GINS3: variants seen among roughly 807,000 people sequenced by gnomAD.
GINS3 encodes GINS complex subunit 3.
In GINS3, 18 loss-of-function variants were observed where a neutral mutation model predicts 20.0. The observed-to-expected ratio is 0.90, with a 90% CI of 0.62 to 1.33. The LOEUF (loss-of-function observed/expected upper bound fraction) is 1.33, where lower values mean the gene tolerates loss of function less well. GINS3 is among the 40% of genes most tolerant of loss of function. The pLI is 0.00. For synonymous variants in GINS3, 109 were observed against 107.0 expected (o/e 1.02, Z -0.12); for missense variants, 254 against 273.6 (o/e 0.93, Z 0.51).
At position 58,403,096 on chromosome 16, in the gene GINS3, A is replaced by G. The variant is rs1468394337; in HGVS notation, c.187-2A>G. The G allele has an allele frequency of 3.7e-6, 6 of 1,612,408 alleles. No individual in the cohort carries two copies. Among genetic ancestry groups the G allele is most frequent in the Non-Finnish European group, 5.1e-6 (6 of 1,178,524 alleles). ...TAAAATCTACATTCATGCATGCTGC[A>G]GGGTTCCAAGCTTGAACTACCCTTG... On this transcript the variant is annotated splice_acceptor_variant, in intron 1 of 2. Transcript: ENST00000318129. LOFTEE classifies it high-confidence loss of function.
At chr16:58,397,744 C>A (rs577163029) in intron 1 of GINS3, among the ~76,000 whole-genome samples, 2 of 152,060 alleles carry the variant, frequency 1.3e-5, no homozygotes, top group African/African-American at 2.4e-5. Flanking sequence ...TGCAGTGAGC[C>A]GAGATGGCAG....
At chr16:58,393,628 G>A (rs570574309) in intron 1 of GINS3, 2 of 152,214 alleles carry the variant, frequency 1.3e-5, no homozygotes, top group Non-Finnish European at 2.9e-5. Context: ...GGATCACGAG[G>A]TCAAGAGATC....
Position 58,395,201 on chromosome 16 carries a change from A to G in GINS3, c.186+2414A>G, listed in dbSNP as rs567305405. The G allele has an allele frequency of 7.4e-6, 3 of 405,792 alleles. No individual in the cohort carries two copies. The South Asian group carries it at 2.7e-4, about 36-fold the overall frequency. The allele number at this position is 405,792 out of a possible 1,614,324, so 25.1% of individuals were successfully genotyped here. A position where few individuals can be genotyped will look rare whatever the true frequency, so the allele number is the denominator to read the frequency against. ...AGAGATCCTCCCACCTCAGCCACCT[A>G]TGTGGCTGGTATTGCAGGTACATGC... On this transcript the variant is annotated intron_variant, in intron 1 of 2. Transcript: ENST00000318129.
intron 1 of GINS3, among the ~76,000 whole-genome samples, chr16:58,394,301 C>T (rs1965820416): frequency 2.0e-5 from 3 of 152,054 alleles, no homozygotes. Flanking sequence ...TAAAATGTTC[C>T]TCAGTTGGAA....
intron 1 of GINS3, among the ~76,000 whole-genome samples, chr16:58,396,717 A>C (rs1461358012): frequency 1.0e-5 from 1 of 95,864 alleles, no homozygotes; most frequent in Non-Finnish European, 2.1e-5. Context: ...CGGGGGGCTG[A>C]CCTCCCCACC....
At chr16:58,400,680 C>G (rs1965942226) in intron 1 of GINS3, among the ~76,000 whole-genome samples, 1 of 151,976 alleles carries the variant, frequency 6.6e-6, no homozygotes. Context: ...CTTTATTTCA[C>G]TTTTACTTTT....
At position 58,399,159 on chromosome 16, in the gene GINS3, G is replaced by A. The variant is rs1283784603; in HGVS notation, c.187-3939G>A. Among the ~76,000 whole-genome samples the A allele has an allele frequency of 2.0e-5, 3 of 151,730 alleles. No homozygotes were observed. In the East Asian group the frequency reaches 5.8e-4, roughly 29 times the overall value. ...CAAGACCCTGTCTCTAGGAAAAATT[G>A]AAAAATTAGCTGAGTGTGGTGGCAC... On this transcript the variant is annotated intron_variant, in intron 1 of 2. Transcript: ENST00000318129.
intron 1 of GINS3, among the ~76,000 whole-genome samples, chr16:58,393,913 C>T (rs1482795886): frequency 6.6e-6 from 1 of 151,988 alleles, no homozygotes; most frequent in East Asian, 1.9e-4. Flanking sequence ...TTCCCACTTC[C>T]CCCTCCAAGT....
At chr16:58,401,340 A>G (rs1965951418) in intron 1 of GINS3, among the ~76,000 whole-genome samples, 1 of 152,082 alleles carries the variant, frequency 6.6e-6, no homozygotes, top group Non-Finnish European at 1.5e-5. Flanking sequence ...GGATCCAAAG[A>G]GTGAGCAGCC....
At chr16:58,393,318 C>T (rs1435383693) in intron 1 of GINS3, among the ~76,000 whole-genome samples, 2 of 152,076 alleles carry the variant, frequency 1.3e-5, no homozygotes, top group Non-Finnish European at 2.9e-5. Context: ...CCCTTTAATC[C>T]TTCAGCAACC....
intron 1 of GINS3, among the ~76,000 whole-genome samples, chr16:58,399,401 A>ATATAATG (rs894421507): frequency 1.3e-5 from 2 of 151,980 alleles, no homozygotes; most frequent in Admixed American, 1.3e-4. Context: ...TTTCTGGTAG[A>ATATAATG]TATAATGACC....
chr16:58,394,241 C>T (rs746218463), intron 1 of GINS3, among the ~76,000 whole-genome samples: 3 of 152,186 alleles, frequency 2.0e-5, no homozygotes, highest in Non-Finnish European at 2.9e-5. Flanking sequence ...ATCAGACCTC[C>T]TTGTTCTAAT....
chr16:58,398,184 T>C (rs1596958557), intron 1 of GINS3, among the ~76,000 whole-genome samples: 1 of 152,194 alleles, frequency 6.6e-6, no homozygotes, highest in African/African-American at 2.4e-5. Context: ...ACCTAGGTCA[T>C]TAATTTTTCA....
chr16:58,400,600 C>T (rs943218434), intron 1 of GINS3, among the ~76,000 whole-genome samples: 2 of 152,220 alleles, frequency 1.3e-5, no homozygotes, highest in South Asian at 2.1e-4. Context: ...AACCTTGCAG[C>T]AGGCCTTGCT....
In GINS3 at chr16:58,397,059, C is replaced by T. The variant is rs572422252; in HGVS notation, c.186+4272C>T. On this transcript the variant is annotated intron_variant, in intron 1 of 2. Transcript: ENST00000318129. ...CTTCCGGACAGGGCGGCTGGCCGGG[C>T]GGGGGGCTGACCCCCACCTCCCTCC... Among the ~76,000 whole-genome samples, 12 of 148,610 alleles carry T rather than the reference C, an allele frequency of 8.1e-5. No individual in the cohort carries two copies. In the South Asian group the frequency reaches 1.3e-3, roughly 16 times the overall value.
At chr16:58,403,494 T>C (rs28641081) in intron 2 of GINS3, 163 bp downstream of exon 2, 62,069 of 557,704 alleles carry the variant, frequency 0.11, 4,026 homozygotes, top group African/African-American at 0.25. Flanking sequence ...TTTACATATA[T>C]ACACACACAC....
intron 1 of GINS3, among the ~76,000 whole-genome samples, chr16:58,396,398 C>CCCA (rs1965859408): frequency 8.0e-6 from 1 of 124,812 alleles, no homozygotes; most frequent in Non-Finnish European, 1.7e-5. Context: ...GGGCTGACCC[C>CCCA]CCCACCTCCC....
intron 1 of GINS3, among the ~76,000 whole-genome samples, chr16:58,402,390 T>G (rs1386060261): frequency 6.6e-6 from 1 of 152,194 alleles, no homozygotes; most frequent in Non-Finnish European, 1.5e-5. Flanking sequence ...GTCTGTCTAG[T>G]CCTGTGCAGT....
At chr16:58,395,971 C>A (rs931593810) in intron 1 of GINS3, among the ~76,000 whole-genome samples, 8 of 148,394 alleles carry the variant, frequency 5.4e-5, no homozygotes, top group African/African-American at 1.5e-4. Context: ...CTGGCCCCCC[C>A]ACCTCCCTCC....
Sources: gnomAD v4.1 joint callset for allele counts (sites outside exome capture counted in the v4.1 genomes callset) on GRCh38, gnomAD v4.1.1 for gene constraint, MANE v1.5 for transcripts, NCBI Gene and HGNC (gene_info 2026-07-23, HGNC 2026-07-21) for gene names.